CHL1: variants seen among roughly 807,000 people sequenced by gnomAD.
CHL1 encodes cell adhesion molecule L1 like.
In CHL1, 96 loss-of-function variants were observed where a neutral mutation model predicts 141.9. The observed-to-expected ratio is 0.68, with a 90% CI of 0.57 to 0.80. CHL1 has a LOEUF of 0.80. CHL1 is among the 30% of genes least tolerant of loss of function. CHL1 has a pLI of 0.00. For missense variants in CHL1, 1,820 were observed against 1,457.2 expected, an observed-to-expected ratio of 1.25 and a Z score of -4.05; for synonymous variants, 613 against 502.2, an observed-to-expected ratio of 1.22 and a Z score of -2.95.
At chr3:370,542 A>AC in intron 15 of CHL1, among the ~76,000 whole-genome samples, 1 of 150,476 alleles carries the variant, frequency 6.6e-6, no homozygotes, top group South Asian at 2.1e-4. Flanking sequence ...TTTTTCAAAA[A>AC]AAAAAAACCA....
chr3:377,973 C>T, intron 16 of CHL1, 31 bp downstream of exon 16: 2 of 1,558,486 alleles, frequency 1.3e-6, no homozygotes, highest in South Asian at 2.5e-5. Context: ...GAAATCTGTT[C>T]ATTTCTTCAT....
At chr3:304,172 G>T (rs1699014988) in intron 2 of CHL1, among the ~76,000 whole-genome samples, 1 of 152,150 alleles carries the variant, frequency 6.6e-6, no homozygotes, top group Non-Finnish European at 1.5e-5. Context: ...TCACATCAAT[G>T]TTCATCAGGG....
At position 382,600 on chromosome 3, in the gene CHL1, TC is replaced by T; in HGVS notation, c.2106del (p.Ile703Ter). 1 of 1,613,858 alleles carries T rather than the reference TC, an allele frequency of 6.2e-7. No individual in the cohort carries two copies. The highest frequency in any genetic ancestry group is 8.5e-7 in the Non-Finnish European group (1 of 1,179,872). ...CCATTTGTGAGATACCAGTTCAGGGTCATAGCCGTGAACGAAGTAGGGAGAA... is the reference window on the plus strand; with the variant it reads ...CCATTTGTGAGATACCAGTTCAGGGTATAGCCGTGAACGAAGTAGGGAGAA... ...LAPFVRYQFR[V>X]IAVNEVGRSQ... On this transcript the variant is annotated frameshift_variant, in exon 18 of 28. Coordinates refer to ENST00000256509, the MANE Select transcript of CHL1 (RefSeq NM_006614.4). LOFTEE classifies it high-confidence loss of function.
At chr3:328,577 A>T in intron 5 of CHL1, 1 of 376,422 alleles carries the variant, frequency 2.7e-6, no homozygotes, top group East Asian at 4.2e-5. Flanking sequence ...CTTATATCTA[A>T]CATGGAAAAA....
intron 2 of CHL1, among the ~76,000 whole-genome samples, chr3:297,974 A>G (rs554845562): frequency 6.6e-6 from 1 of 152,370 alleles, no homozygotes; most frequent in African/African-American, 2.4e-5. Flanking sequence ...TGTAAGGTAC[A>G]GGGGTAGAGA....
chr3:263,611 T>G (rs937581831), intron 2 of CHL1, among the ~76,000 whole-genome samples: 12 of 152,260 alleles, frequency 7.9e-5, no homozygotes, highest in African/African-American at 2.7e-4. Flanking sequence ...TATCTCTGTA[T>G]CTGCGTCTGC....
At chr3:302,170 C>G (rs1698809750) in intron 2 of CHL1, among the ~76,000 whole-genome samples, 1 of 152,144 alleles carries the variant, frequency 6.6e-6, no homozygotes. Flanking sequence ...GGGTTGGTTC[C>G]AAGTCTTTGC....
intron 14 of CHL1, 62 bp downstream of exon 14, chr3:363,445 G>C: frequency 1.4e-6 from 2 of 1,433,138 alleles, no homozygotes; most frequent in East Asian, 4.6e-5. Context: ...GTCTTCATTT[G>C]CCCAAATGGA....
At chr3:314,697 A>G (rs1700032698) in intron 2 of CHL1, among the ~76,000 whole-genome samples, 1 of 151,986 alleles carries the variant, frequency 6.6e-6, no homozygotes, top group African/African-American at 2.4e-5. Context: ...CTTATCTTCC[A>G]ACAGGGTAGT....
At chr3:217,274 C>T (rs186027452) in intron 1 of CHL1, among the ~76,000 whole-genome samples, 25 of 152,006 alleles carry the variant, frequency 1.6e-4, no homozygotes, top group South Asian at 2.1e-4. Context: ...TATGTGTATA[C>T]GTGTGTGTGC....
chr3:393,956 C>T (rs1708460434), intron 23 of CHL1, among the ~76,000 whole-genome samples: 1 of 152,070 alleles, frequency 6.6e-6, no homozygotes, highest in Admixed American at 6.6e-5. Context: ...AGGATTTATT[C>T]TACATTCCTT....
chr3:403,132 A>C (rs1709277083), intron 27 of CHL1, among the ~76,000 whole-genome samples: 1 of 152,170 alleles, frequency 6.6e-6, no homozygotes, highest in Non-Finnish European at 1.5e-5. Context: ...AGGCTGTTGA[A>C]CTAAGGGCTT....
At position 408,940 on chromosome 3, in the gene CHL1, T is replaced by C. The variant is rs1286147353; in HGVS notation, c.*3229T>C. The C allele has an allele frequency of 2.0e-5, 3 of 152,092 alleles. No homozygotes were observed. Among genetic ancestry groups the C allele is most frequent in the African/African-American group, 7.2e-5 (3 of 41,432 alleles). The allele number at this position is 152,092 out of a possible 1,614,324, so 9.4% of individuals were successfully genotyped here. On this transcript the variant is annotated 3_prime_UTR_variant, in exon 28 of 28. Coordinates refer to ENST00000256509, the MANE Select transcript of CHL1 (RefSeq NM_006614.4). ...CAAATAATATTTTTTTCCTATTTTA[T>C]ACTCATGGAAGAGATAAGCTAAAGA...
At chr3:325,691 G>A (rs1348782626) in intron 3 of CHL1, among the ~76,000 whole-genome samples, 2 of 151,874 alleles carry the variant, frequency 1.3e-5, no homozygotes, top group African/African-American at 2.4e-5. Flanking sequence ...TGATGACATA[G>A]CAACTTTTCT....
Position 276,890 on chromosome 3 carries a change from TAAAA to T in CHL1, c.-95+32221_-95+32224del, listed in dbSNP as rs11292528. On this transcript the variant is annotated intron_variant, in intron 2 of 27. Coordinates refer to ENST00000256509, the MANE Select transcript of CHL1 (RefSeq NM_006614.4). The stretch of plus-strand genomic sequence containing the variant: ...GGTGAAAGAGGAAGACTCCGTCTCC[TAAAA>T]AAAAAAAAAAAAAAAAAAAAAAGAG... Among the ~76,000 whole-genome samples, 292 of 64,434 alleles carry T rather than the reference TAAAA, an allele frequency of 4.5e-3. 1 individual carries two copies. The highest frequency in any genetic ancestry group is 0.037 in the Middle Eastern group (3 of 82). 42.3% of individuals were successfully genotyped at this position (64,434 alleles called of 152,430 possible).
At chr3:217,410 A>T (rs1700417346) in intron 1 of CHL1, 1 of 152,150 alleles carries the variant, frequency 6.6e-6, no homozygotes, top group Non-Finnish European at 1.5e-5. Context: ...AGTTGCCATT[A>T]CTAAGAATGT....
intron 2 of CHL1, among the ~76,000 whole-genome samples, chr3:269,981 T>A (rs1026945467): frequency 3.3e-5 from 5 of 152,190 alleles, no homozygotes; most frequent in Non-Finnish European, 5.9e-5. Flanking sequence ...ACCTGAGACC[T>A]GTGCAGAACC....
intron 2 of CHL1, among the ~76,000 whole-genome samples, chr3:289,521 C>G (rs955399164): frequency 6.6e-6 from 1 of 152,092 alleles, no homozygotes; most frequent in African/African-American, 2.4e-5. Flanking sequence ...TCTATAAAGT[C>G]TCTGCAAACA....
At chr3:211,221 A>G (rs905697498) in intron 1 of CHL1, among the ~76,000 whole-genome samples, 1 of 152,188 alleles carries the variant, frequency 6.6e-6, no homozygotes, top group African/African-American at 2.4e-5. Flanking sequence ...TACAGCCACA[A>G]ATGGAAAAGG....
Sources: allele counts gnomAD v4.1 joint callset (sites outside exome capture counted in the v4.1 genomes callset), GRCh38; gene constraint gnomAD v4.1.1; transcripts MANE v1.5; gene names NCBI Gene and HGNC (gene_info 2026-07-23, HGNC 2026-07-21).